GAA: variants seen among roughly 807,000 people sequenced by gnomAD.
GAA encodes the protein lysosomal alpha-glucosidase.
A neutral mutation model predicts 103.9 loss-of-function variants in GAA; 88 were observed. That is an observed-to-expected ratio of 0.85 (90% confidence interval 0.71 to 1.01). The LOEUF (loss-of-function observed/expected upper bound fraction) is 1.01. Among genes scored for constraint, GAA ranks in the 50% least tolerant of loss-of-function variants. The probability of loss-of-function intolerance (pLI) is 0.00; values close to 1 mark genes in which losing one functional copy is unlikely to be tolerated. For synonymous variants in GAA, 572 were observed against 563.1 expected, an observed-to-expected ratio of 1.02 and a Z score of -0.22; for missense variants, 1,350 against 1,305.3, an observed-to-expected ratio of 1.03 and a Z score of -0.53.
At chr17:80,107,467 G>T (rs1250196520) in intron 3 of GAA, 90 bp from the exon 4 acceptor site, 2 of 1,565,996 alleles carry the variant, frequency 1.3e-6, no homozygotes, top group South Asian at 1.1e-5. Flanking sequence ...GCCCTCCCAG[G>T]GCACCAGGGC....
Position 80,107,786 on chromosome 17 carries a change from C to G in GAA, c.859-14C>G, listed in dbSNP as rs755990698. Reference sequence around the variant, plus strand: ...GAGCGCAGGTGCTGAAGCGCCGTCTCCTGCATGTCCCAGCCCGGTGCGAAC... The same window carrying G: ...GAGCGCAGGTGCTGAAGCGCCGTCTGCTGCATGTCCCAGCCCGGTGCGAAC... On this transcript the variant is annotated splice_polypyrimidine_tract_variant and intron_variant, in intron 4 of 19. Transcript: ENST00000302262. The G allele has an allele frequency of 1.4e-5, 23 of 1,610,170 alleles. No homozygotes were observed. The highest frequency in any genetic ancestry group is 1.7e-4 in the Middle Eastern group (1 of 5,984).
intron 5 of GAA, 145 bp downstream of exon 5, chr17:80,108,041 C>A: frequency 9.8e-7 from 1 of 1,022,896 alleles, no homozygotes; most frequent in Non-Finnish European, 1.5e-6. Context: ...GATGCCTCTC[C>A]CAACTCTGGC....
chr17:80,111,359 C>T (rs1030376802), intron 11 of GAA, among the ~76,000 whole-genome samples: 3 of 152,176 alleles, frequency 2.0e-5, no homozygotes, highest in Non-Finnish European at 4.4e-5. Context: ...AGGCCCAACT[C>T]GAATGCAGCA....
intron 5 of GAA, 125 bp from the exon 6 acceptor site, chr17:80,108,165 G>C: frequency 6.5e-7 from 1 of 1,541,612 alleles, no homozygotes; most frequent in Non-Finnish European, 8.9e-7. Flanking sequence ...GGCTTCCCCA[G>C]GCCACTCTGA....
intron 16 of GAA, 104 bp downstream of exon 16, chr17:80,117,213 G>A (rs990588831): frequency 7.8e-5 from 100 of 1,289,030 alleles, no homozygotes; most frequent in African/African-American, 2.9e-4. Context: ...AAAGAGGAAC[G>A]TATGTGTTGA....
intron 15 of GAA, among the ~76,000 whole-genome samples, chr17:80,115,434 C>T (rs2039337098): frequency 6.6e-6 from 1 of 152,188 alleles, no homozygotes; most frequent in African/African-American, 2.4e-5. Flanking sequence ...TTACGTTTCT[C>T]TCGTTAAGGA....
In GAA at chr17:80,105,821, C is replaced by T; in HGVS notation, c.619C>T (p.Pro207Ser). The T allele has an allele frequency of 6.2e-7, 1 of 1,610,526 alleles. No individual in the cohort carries two copies. Among genetic ancestry groups the T allele is most frequent in the Non-Finnish European group, 8.5e-7 (1 of 1,179,998 alleles). The change falls in exon 3 of 20, where the codon CCA (proline) becomes TCA (serine). Residue 207 changes from proline to serine, a missense_variant. Pro to Ser is a moderately conservative substitution (Grantham distance 74). Coordinates refer to ENST00000302262, the MANE Select transcript of GAA (RefSeq NM_000152.5). Reference sequence around the variant, plus strand: ...GCATGTCCACAGCCGGGCACCGTCCCCACTCTACAGCGTGGAGTTCTCCGA... The same window carrying T: ...GCATGTCCACAGCCGGGCACCGTCCTCACTCTACAGCGTGGAGTTCTCCGA... ...TPHVHSRAPSPLYSVEFSEEP... is the reference protein window; with the variant it reads ...TPHVHSRAPSSLYSVEFSEEP...
In GAA at chr17:80,117,702, G is replaced by A. The variant is rs1433117170; in HGVS notation, c.2434G>A (p.Asp812Asn). The A allele has an allele frequency of 6.2e-7, 1 of 1,612,338 alleles. No homozygotes were observed. The highest frequency in any genetic ancestry group is 1.1e-5 in the South Asian group (1 of 91,020). The change falls in exon 17 of 20, where the codon GAC (aspartate) becomes AAC (asparagine). Residue 812 changes from aspartate (D) to asparagine (N), a missense_variant. Physicochemically the swap from Asp to Asn is conservative, Grantham distance 23. Coordinates refer to ENST00000302262, the MANE Select transcript of GAA (RefSeq NM_000152.5). ...GTGGGTGACGCTGCCGGCCCCCCTG[G>A]ACACCATCAACGTCCACCTCCGGGC... Reference protein sequence around the residue: ...GQWVTLPAPLDTINVHLRAGY... With the variant: ...GQWVTLPAPLNTINVHLRAGY...
At position 80,104,655 on chromosome 17, in the gene GAA, C is replaced by A. The variant is rs746351336; in HGVS notation, c.69C>A (p.Thr23=). The change falls in exon 2 of 20, where the codon ACC becomes ACA. Residue 23 remains threonine, a synonymous_variant. Transcript: ENST00000302262. The surrounding 1 kb of genome is among the most constrained non-coding windows in gnomAD (Gnocchi z 4.0). ...LAVCALVSLA[T]AALLGHILLH... is the part of the protein sequence containing the mutation. ...TCTGCGCCCTCGTGTCCTTGGCAAC[C>A]GCTGCACTCCTGGGGCACATCCTAC... 2 of 1,613,314 alleles carry A rather than the reference C, an allele frequency of 1.2e-6. No homozygotes were observed. Among genetic ancestry groups the A allele is most frequent in the African/African-American group, 2.7e-5 (2 of 75,036 alleles).
intron 15 of GAA, 48 bp downstream of exon 15, chr17:80,113,414 G>T: frequency 6.8e-7 from 1 of 1,478,484 alleles, no homozygotes; most frequent in Non-Finnish European, 9.1e-7. Context: ...CCTGGGGGAG[G>T]GGCACGTAAC....
At chr17:80,112,375 G>GA (rs2039257363) in intron 12 of GAA, 1 of 680,378 alleles carries the variant, frequency 1.5e-6, no homozygotes, top group South Asian at 1.8e-5. Context: ...GAGGCTGGGG[G>GA]GGGTCCTGGC....
rs573363205 is a variant in GAA at position 80,112,454 on chromosome 17, G to A, written c.1755-124G>A. On this transcript the variant is annotated intron_variant, in intron 12 of 19. Transcript: ENST00000302262. ...CGCAGACATGGGCAGTAGCCTCGCCGTCCTCCTCCCCAGCCTCTGCCTCAT... is the reference window on the plus strand; with the variant it reads ...CGCAGACATGGGCAGTAGCCTCGCCATCCTCCTCCCCAGCCTCTGCCTCAT... 1.5e-4 allele frequency: 189 copies of A among 1,256,670 alleles called. No individual in the cohort carries two copies. The African/African-American group carries it at 2.1e-3, about 14-fold the overall frequency. 77.8% of individuals were successfully genotyped at this position (1,256,670 alleles called of 1,614,324 possible).
At position 80,111,974 on chromosome 17, in the gene GAA, C is replaced by A; in HGVS notation, c.1637-9C>A. The A allele has an allele frequency of 1.2e-6, 2 of 1,611,564 alleles. No individual in the cohort carries two copies. Among genetic ancestry groups the A allele is most frequent in the Non-Finnish European group, 1.7e-6 (2 of 1,178,512 alleles). On this transcript the variant is annotated splice_polypyrimidine_tract_variant and intron_variant, in intron 11 of 19. Transcript: ENST00000302262. ...AAGCTCCCTGGAAACCAGCCCCCGC[C>A]TCTTCCAGGGGTGGTTGGGGGGACC...
In GAA at chr17:80,105,778, G is replaced by C. The variant is rs760655446; in HGVS notation, c.576G>C (p.Glu192Asp). 3.8e-5 allele frequency: 61 copies of C among 1,612,180 alleles called. No individual in the cohort carries two copies. The highest frequency in any genetic ancestry group is 4.8e-5 in the Non-Finnish European group (57 of 1,179,992). ...TIKDPANRRY[E>D]VPLETPHVHS... ...AAGATCCAGCTAACAGGCGCTACGA[G>C]GTGCCCTTGGAGACCCCGCATGTCC... The change falls in exon 3 of 20, where the codon GAG becomes GAC. Residue 192 changes from glutamate to aspartate, a missense_variant. Physicochemically the swap from Glu to Asp is conservative, Grantham distance 45. Coordinates refer to ENST00000302262, the MANE Select transcript of GAA (RefSeq NM_000152.5).
At chr17:80,112,532 G>A (rs1445436034) in intron 12 of GAA, 46 bp from the exon 13 acceptor site, 3 of 1,611,282 alleles carry the variant, frequency 1.9e-6, no homozygotes, top group Non-Finnish European at 2.5e-6. Flanking sequence ...GGGTTCCCGA[G>A]TGACCCCGCT....
intron 18 of GAA, 116 bp from the exon 19 acceptor site, chr17:80,118,537 G>A (rs1331179352): frequency 4.2e-6 from 6 of 1,427,810 alleles, no homozygotes; most frequent in African/African-American, 1.4e-5. Context: ...TGTACACAGA[G>A]GGAGGTCACC....
At position 80,111,039 on chromosome 17, in the gene GAA, C is replaced by T. The variant is rs758256318; in HGVS notation, c.1636+14C>T. The T allele has an allele frequency of 2.5e-6, 4 of 1,612,562 alleles. No individual in the cohort carries two copies. The highest frequency in any genetic ancestry group is 1.7e-5 in the Admixed American group (1 of 59,946). On this transcript the variant is annotated intron_variant, in intron 11 of 19. Coordinates refer to ENST00000302262, the MANE Select transcript of GAA (RefSeq NM_000152.5). ...CCTACGTGCCTGGTCAGCTCGCCCC[C>T]CACCTACCCTGGGGACTTAATCAAA...
In GAA at chr17:80,117,603, C is replaced by CCAA. The variant is rs765462403; in HGVS notation, c.2337_2338insACA (p.Pro779_Val780insThr). The CCAA allele has an allele frequency of 6.2e-7, 1 of 1,612,918 alleles. No homozygotes were observed. Among genetic ancestry groups the CCAA allele is most frequent in the South Asian group, 1.1e-5 (1 of 91,084 alleles). On this transcript the variant is annotated inframe_insertion, in exon 17 of 20. Coordinates refer to ENST00000302262, the MANE Select transcript of GAA (RefSeq NM_000152.5). ...TCAAAGCAACATCTCCCTCCAGGTG[C>CCAA]CAGTAGAGGCCCTTGGCAGCCTCCC...
At chr17:80,108,262 C>T (rs761670883) in intron 5 of GAA, 28 bp from the exon 6 acceptor site, 9 of 1,613,392 alleles carry the variant, frequency 5.6e-6, no homozygotes, top group Middle Eastern at 1.6e-4. Flanking sequence ...GAATCTGTCC[C>T]CCAACCCCAG....
Sources: allele counts gnomAD v4.1 joint callset (sites outside exome capture counted in the v4.1 genomes callset), GRCh38; gene constraint gnomAD v4.1.1; non-coding constraint Gnocchi (gnomAD v3.1); transcripts MANE v1.5; gene names NCBI Gene and HGNC (gene_info 2026-07-23, HGNC 2026-07-21).